Variants in B3GAT2 observed in about 807,000 individuals in gnomAD.
B3GAT2 encodes beta-1,3-glucuronyltransferase 2, also known as galactosylgalactosylxylosylprotein 3-beta-glucuronosyltransferase 2.
B3GAT2 carries 26 observed loss-of-function variants against 27.8 expected under a neutral mutation model. The ratio of observed to expected loss-of-function variants is 0.93; its 90% CI spans 0.68 to 1.30. The LOEUF (loss-of-function observed/expected upper bound fraction) is 1.30. B3GAT2 is among the 50% of genes most tolerant of loss of function. The pLI, the probability that B3GAT2 is intolerant of heterozygous loss-of-function variation, is 0.00. For synonymous variants in B3GAT2, 218 were observed against 195.1 expected, an observed-to-expected ratio of 1.12 and a Z score of -0.98; for missense variants, 458 against 459.0, an observed-to-expected ratio of 1.00 and a Z score of 0.02.
Position 70,956,720 on chromosome 6 carries a change from C to T in B3GAT2, c.-291G>A, listed in dbSNP as rs1263865962. ...GGGACTCGGTCCAGCCGCGCGCCGC[C>T]GGTCCCGGAGTTGTGCCGAGTGCGG... On this transcript the variant is annotated 5_prime_UTR_variant, in exon 1 of 4. Coordinates refer to ENST00000230053, the MANE Select transcript of B3GAT2 (RefSeq NM_080742.3). 9 of 1,327,664 alleles carry T rather than the reference C, an allele frequency of 6.8e-6. No individual in the cohort carries two copies. The highest frequency in any genetic ancestry group is 1.6e-5 in the African/African-American group (1 of 64,072). The allele number at this position is 1,327,664 out of a possible 1,614,324, so 82.2% of individuals were successfully genotyped here.
chr6:70,956,424 C>G lies in B3GAT2; in HGVS notation c.6G>C (p.Lys2Asn). Reference protein sequence around the residue: MKSALFTRFFIL... With the variant: MNSALFTRFFIL... ...TAAAGAAGCGGGTGAAAAGCGCGGA[C>G]TTCATGGTGCACGCTCCCTGGCCTC... The change falls in exon 1 of 4, where the codon AAG (lysine) becomes AAC (asparagine). Residue 2 changes from lysine (K) to asparagine (N), a missense_variant. Transcript: ENST00000230053. The G allele has an allele frequency of 6.4e-7, 1 of 1,551,290 alleles. No individual in the cohort carries two copies. The highest frequency in any genetic ancestry group is 8.7e-7 in the Non-Finnish European group (1 of 1,146,882).
chr6:70,889,999 C>T (rs1359615795), intron 2 of B3GAT2, among the ~76,000 whole-genome samples: 2 of 152,046 alleles, frequency 1.3e-5, no homozygotes, highest in East Asian at 3.9e-4. Flanking sequence ...CCAGGCTGGT[C>T]TTGAACTCCT....
intron 2 of B3GAT2, among the ~76,000 whole-genome samples, chr6:70,870,350 A>T (rs1428464494): frequency 1.5e-5 from 2 of 136,120 alleles, no homozygotes; most frequent in East Asian, 4.6e-4. Context: ...ATGAGAACAC[A>T]TGGACACAGG....
Position 70,894,147 on chromosome 6 carries a change from A to C in B3GAT2, c.717T>G (p.Pro239=). The change falls in exon 2 of 4, where the codon CCT becomes CCG. Residue 239 remains proline (P), a synonymous_variant. Transcript: ENST00000230053. ...GWYTGWRADR[P]FAIDMAGFAV... ...GCTCACCTGCCATGTCGATGGCAAA[A>C]GGCCTGTCTGCTCTCCAGCCGGTGT... The C allele has an allele frequency of 6.2e-7, 1 of 1,612,400 alleles. No homozygotes were observed. The highest frequency in any genetic ancestry group is 8.5e-7 in the Non-Finnish European group (1 of 1,179,104).
chr6:70,956,326 G>A lies in B3GAT2; in HGVS notation c.104C>T (p.Thr35Ile), dbSNP rs775357510. Residue 35 changes from threonine to isoleucine, a missense_variant, in exon 1 of 4, where the codon ACC becomes ATC. Physicochemically the swap from Thr to Ile is moderately conservative, Grantham distance 89. Transcript: ENST00000230053. Reference sequence around the variant, plus strand: ...GTAGGGAGAGAAGTAGGGGCGCGGGGTGAGCGGGGGCACTGGCCTGCGCGT... The same window carrying A: ...GTAGGGAGAGAAGTAGGGGCGCGGGATGAGCGGGGGCACTGGCCTGCGCGT... ...VDTRRPVPPL[T>I]PRPYFSPYAV... 1.3e-6 allele frequency: 2 copies of A among 1,582,716 alleles called. No homozygotes were observed. Among genetic ancestry groups the A allele is most frequent in the East Asian group, 2.3e-5 (1 of 43,410 alleles).
At chr6:70,893,324 C>T (rs1482279787) in intron 2 of B3GAT2, among the ~76,000 whole-genome samples, 1 of 152,126 alleles carries the variant, frequency 6.6e-6, no homozygotes, top group African/African-American at 2.4e-5. Context: ...CCCGACAGAG[C>T]TGTGCTTCAG....
At chr6:70,866,600 G>A (rs1002254629) in intron 2 of B3GAT2, among the ~76,000 whole-genome samples, 39 of 152,204 alleles carry the variant, frequency 2.6e-4, no homozygotes, top group African/African-American at 8.9e-4. Flanking sequence ...CAGAATAAAA[G>A]TTGAGTAAAC....
At chr6:70,922,895 A>G (rs1045213839) in intron 1 of B3GAT2, among the ~76,000 whole-genome samples, 1 of 152,214 alleles carries the variant, frequency 6.6e-6, no homozygotes, top group African/African-American at 2.4e-5. Flanking sequence ...GCTCCTAGAA[A>G]TCCAACCTCA....
At chr6:70,872,192 T>C (rs1424527056) in intron 2 of B3GAT2, among the ~76,000 whole-genome samples, 1 of 152,006 alleles carries the variant, frequency 6.6e-6, no homozygotes, top group Non-Finnish European at 1.5e-5. Flanking sequence ...GAGTGTTCTA[T>C]AGATGTTTGT....
chr6:70,862,597 A>G (rs1348272980), intron 2 of B3GAT2, among the ~76,000 whole-genome samples: 1 of 152,192 alleles, frequency 6.6e-6, no homozygotes, highest in African/African-American at 2.4e-5. Context: ...ATATCAGGCC[A>G]TCATCTGATA....
At chr6:70,945,851 C>G (rs1765473750) in intron 1 of B3GAT2, among the ~76,000 whole-genome samples, 1 of 151,420 alleles carries the variant, frequency 6.6e-6, no homozygotes, top group African/African-American at 2.4e-5. Context: ...AAAGGGAAGC[C>G]CATCAGACTA....
intron 1 of B3GAT2, among the ~76,000 whole-genome samples, chr6:70,915,153 C>T (rs138908622): frequency 0.013 from 2,001 of 152,270 alleles, 15 homozygotes; most frequent in Non-Finnish European, 0.019. Context: ...TCTCTGATGA[C>T]CAGTGATGAT....
intron 1 of B3GAT2, among the ~76,000 whole-genome samples, chr6:70,942,407 G>T (rs1765407687): frequency 6.6e-6 from 1 of 152,156 alleles, no homozygotes; most frequent in South Asian, 2.1e-4. Flanking sequence ...TCAGGTCTCT[G>T]AGTATTCAGG....
At chr6:70,927,729 G>C (rs922940674) in intron 1 of B3GAT2, among the ~76,000 whole-genome samples, 1 of 152,058 alleles carries the variant, frequency 6.6e-6, no homozygotes, top group Non-Finnish European at 1.5e-5. Flanking sequence ...ATAATAATGG[G>C]AGACAATAAT....
At chr6:70,946,343 G>A (rs368676095) in intron 1 of B3GAT2, among the ~76,000 whole-genome samples, 11 of 152,132 alleles carry the variant, frequency 7.2e-5, no homozygotes, top group East Asian at 5.8e-4. Context: ...CCCATCTCAC[G>A]TGCAGAGACA....
intron 1 of B3GAT2, among the ~76,000 whole-genome samples, chr6:70,953,636 C>T (rs1765607575): frequency 1.3e-5 from 2 of 152,254 alleles, no homozygotes; most frequent in Admixed American, 6.5e-5. Flanking sequence ...CTTAAAATGA[C>T]AACAGAAACA....
intron 1 of B3GAT2, among the ~76,000 whole-genome samples, chr6:70,946,128 G>A (rs374559026): frequency 3.3e-5 from 5 of 151,998 alleles, no homozygotes; most frequent in East Asian, 3.9e-4. Context: ...ATGCCAAAAC[G>A]TAAAGACCAT....
intron 2 of B3GAT2, among the ~76,000 whole-genome samples, chr6:70,890,899 T>G (rs1417925611): frequency 1.3e-5 from 2 of 152,264 alleles, no homozygotes; most frequent in East Asian, 3.8e-4. Context: ...GAATTAATAA[T>G]AAGGCACATG....
intron 2 of B3GAT2, among the ~76,000 whole-genome samples, chr6:70,879,866 G>A (rs927520634): frequency 5.3e-5 from 8 of 152,252 alleles, no homozygotes; most frequent in African/African-American, 1.7e-4. Context: ...AGTGCACAGA[G>A]AACACAAGGA....
Sources: allele counts gnomAD v4.1 joint callset (sites outside exome capture counted in the v4.1 genomes callset), GRCh38; gene constraint gnomAD v4.1.1; transcripts MANE v1.5; gene names NCBI Gene and HGNC (gene_info 2026-07-23, HGNC 2026-07-21).